CUTC: variants seen among roughly 807,000 people sequenced by gnomAD.
CUTC encodes cutC copper transporter.
CUTC carries 27 observed loss-of-function variants against 36.2 expected under a neutral mutation model. The ratio of observed to expected loss-of-function variants is 0.75; its 90% CI spans 0.55 to 1.03. The LOEUF is 1.03. Ranked by LOEUF, CUTC falls within the 50% of genes least tolerant of loss-of-function variation. CUTC has a pLI of 0.00. For missense variants in CUTC, 315 were observed against 343.5 expected (o/e 0.92, Z 0.66); for synonymous variants, 114 against 118.3 (o/e 0.96, Z 0.24).
At chr10:99,749,482 C>T (rs1002350393) in intron 6 of CUTC, among the ~76,000 whole-genome samples, 3 of 152,090 alleles carry the variant, frequency 2.0e-5, no homozygotes, top group Non-Finnish European at 2.9e-5. Context: ...GCATATACTT[C>T]TAAATAATCT....
chr10:99,752,239 G>A (rs2037424503), intron 7 of CUTC, among the ~76,000 whole-genome samples: 1 of 152,038 alleles, frequency 6.6e-6, no homozygotes, highest in Non-Finnish European at 1.5e-5. Flanking sequence ...AAAATTAGTT[G>A]GGCATGGTGG....
rs1590122744 is a variant in CUTC, at chr10:99,752,017, A to G, written c.601+1621A>G. On this transcript the variant is annotated intron_variant, in intron 7 of 8. Coordinates refer to ENST00000370476, the MANE Select transcript of CUTC (RefSeq NM_015960.3). ...TGAGGTTTGAATAGACTCTGCTTAAATATTTTTGGTCAGAATACTTCATGG... is the reference window on the plus strand; with the variant it reads ...TGAGGTTTGAATAGACTCTGCTTAAGTATTTTTGGTCAGAATACTTCATGG... Among the ~76,000 whole-genome samples the G allele has an allele frequency of 3.3e-5, 5 of 152,298 alleles. No homozygotes were observed. In the South Asian group the frequency reaches 1.0e-3, roughly 32 times the overall value.
intron 1 of CUTC, 187 bp downstream of exon 1, chr10:99,732,596 C>G: frequency 9.1e-6 from 13 of 1,434,010 alleles, no homozygotes; most frequent in Non-Finnish European, 1.2e-5. Flanking sequence ...GGGCAGGTAG[C>G]GAGAATGGCT....
intron 5 of CUTC, among the ~76,000 whole-genome samples, chr10:99,744,869 C>T (rs2037367461): frequency 6.6e-6 from 1 of 152,216 alleles, no homozygotes; most frequent in Non-Finnish European, 1.5e-5. Flanking sequence ...TTCTCTGCCT[C>T]AGCCTCCCGA....
At chr10:99,738,836 A>C (rs980269484) in intron 2 of CUTC, among the ~76,000 whole-genome samples, 1 of 152,126 alleles carries the variant, frequency 6.6e-6, no homozygotes, top group African/African-American at 2.4e-5. Context: ...AGCCTAATCT[A>C]TCCTTAAGGT....
Position 99,743,362 on chromosome 10 carries a change from GGTAA to G in CUTC, c.403+2_403+5del, listed in dbSNP as rs756477214. The G allele has an allele frequency of 1.2e-6, 2 of 1,612,822 alleles. No homozygotes were observed. Among genetic ancestry groups the G allele is most frequent in the African/African-American group, 2.7e-5 (2 of 74,840 alleles). The stretch of plus-strand genomic sequence containing the variant: ...CAAAGAGCTGTGTATGTCCCTTATG[GGTAA>G]GAATTTGTATCTAAGACGTAAAAGC... On this transcript the variant is annotated splice_donor_variant and splice_donor_region_variant and intron_variant, in intron 4 of 8. Coordinates refer to ENST00000370476, the MANE Select transcript of CUTC (RefSeq NM_015960.3). LOFTEE classifies it high-confidence loss of function.
At chr10:99,734,271 T>C (rs2037273262) in intron 1 of CUTC, among the ~76,000 whole-genome samples, 2 of 152,116 alleles carry the variant, frequency 1.3e-5, no homozygotes, top group Non-Finnish European at 2.9e-5. Context: ...GGTTTCGCCA[T>C]GTTGGCCAGG....
intron 7 of CUTC, among the ~76,000 whole-genome samples, chr10:99,751,569 A>G (rs1013618618): frequency 3.3e-5 from 5 of 151,480 alleles, no homozygotes; most frequent in Non-Finnish European, 7.4e-5. Flanking sequence ...TTACATTATT[A>G]AGTTTGGGCT....
intron 3 of CUTC, among the ~76,000 whole-genome samples, chr10:99,740,035 C>A (rs532323590): frequency 7.5e-4 from 114 of 152,306 alleles, no homozygotes; most frequent in Middle Eastern, 6.8e-3. Context: ...TTTATAAAAT[C>A]TTTCCATGCT....
At chr10:99,747,210 C>A in intron 5 of CUTC, 47 bp from the exon 6 acceptor site, 1 of 1,603,378 alleles carries the variant, frequency 6.2e-7, no homozygotes, top group East Asian at 2.2e-5. Flanking sequence ...GGAAACTCTG[C>A]GTTAGAGATA....
intron 1 of CUTC, 189 bp downstream of exon 1, chr10:99,732,598 A>G: frequency 7.0e-7 from 1 of 1,434,502 alleles, no homozygotes; most frequent in Non-Finnish European, 9.1e-7. Context: ...GCAGGTAGCG[A>G]GAATGGCTCA....
intron 8 of CUTC, 133 bp from the exon 9 acceptor site, chr10:99,755,492 G>A (rs1335132618): frequency 1.0e-5 from 6 of 575,700 alleles, no homozygotes; most frequent in Non-Finnish European, 1.6e-5. Context: ...ATTAATTGAT[G>A]AAAATTATGG....
At position 99,747,368 on chromosome 10, in the gene CUTC, T is replaced by A. The variant is rs909193486; in HGVS notation, c.551T>A (p.Leu184Gln). 1.1e-4 allele frequency: 172 copies of A among 1,614,058 alleles called. No homozygotes were observed. The highest frequency in any genetic ancestry group is 1.4e-4 in the Non-Finnish European group (170 of 1,179,996). ...CDSSALEGLP[L>Q]IKRLIEQAKG... ...AGTTCAGCATTAGAAGGGCTACCCC[T>A]AATAAAGCGACTCATTGAGCAGGTA... The change falls in exon 6 of 9, where the codon CTA becomes CAA. Residue 184 changes from leucine (L) to glutamine (Q), a missense_variant. Transcript: ENST00000370476.
chr10:99,740,051 C>A (rs2037330232), intron 3 of CUTC, among the ~76,000 whole-genome samples: 1 of 152,186 alleles, frequency 6.6e-6, no homozygotes, highest in Non-Finnish European at 1.5e-5. Flanking sequence ...ATGCTGGCAT[C>A]CTTAGTATAT....
At chr10:99,732,710 G>A (rs923404092) in intron 1 of CUTC, 9 of 1,083,972 alleles carry the variant, frequency 8.3e-6, no homozygotes, top group Non-Finnish European at 9.8e-6. Context: ...GTCGCCACAC[G>A]AGGATGCCAG....
chr10:99,733,506 C>G (rs757767897), intron 1 of CUTC, among the ~76,000 whole-genome samples: 9 of 151,924 alleles, frequency 5.9e-5, no homozygotes, highest in Non-Finnish European at 1.3e-4. Flanking sequence ...GCTGGATTCT[C>G]ATGCCCGCTG....
intron 4 of CUTC, 116 bp downstream of exon 4, chr10:99,743,478 C>T (rs1168173063): frequency 2.3e-6 from 2 of 886,132 alleles, no homozygotes; most frequent in African/African-American, 3.3e-5. Flanking sequence ...GACACTTATA[C>T]TAACCTAAGT....
In CUTC at chr10:99,739,082, C is replaced by A. The variant is rs942580864; in HGVS notation, c.134-628C>A. On this transcript the variant is annotated intron_variant, in intron 2 of 8. Transcript: ENST00000370476. The stretch of plus-strand genomic sequence containing the variant: ...AATAATGAATTTGTTCTCTGTCTTC[C>A]CTTGAATTGTTTTGTCATTATGAAT... Among the ~76,000 whole-genome samples the A allele has an allele frequency of 3.9e-5, 6 of 152,044 alleles. No individual in the cohort carries two copies. In the South Asian group the frequency reaches 6.2e-4, roughly 16 times the overall value.
In CUTC at chr10:99,755,910, G is replaced by A; in HGVS notation, c.*171G>A. ...CCAAGAAGAAAAAGAATTTGAAACA[G>A]AGATACAGTCACTTCCTTTGCTTAG... On this transcript the variant is annotated 3_prime_UTR_variant, in exon 9 of 9. Coordinates refer to ENST00000370476, the MANE Select transcript of CUTC (RefSeq NM_015960.3). 1 of 553,810 alleles carries A rather than the reference G, an allele frequency of 1.8e-6. No homozygotes were observed. Among genetic ancestry groups the A allele is most frequent in the Non-Finnish European group, 3.2e-6 (1 of 312,738 alleles). 34.3% of individuals were successfully genotyped at this position (553,810 alleles called of 1,614,324 possible). A position where few individuals can be genotyped will look rare whatever the true frequency, so the allele number is the denominator to read the frequency against.
Sources: gnomAD v4.1 joint callset for allele counts (sites outside exome capture counted in the v4.1 genomes callset) on GRCh38, gnomAD v4.1.1 for gene constraint, MANE v1.5 for transcripts, NCBI Gene and HGNC (gene_info 2026-07-23, HGNC 2026-07-21) for gene names.